The following PTPRB variants were observed in gnomAD, a reference collection of about 807,000 sequenced individuals.
PTPRB encodes protein tyrosine phosphatase receptor type B.
PTPRB carries 97 observed loss-of-function variants against 238.1 expected under a neutral mutation model. That is an observed-to-expected ratio of 0.41 (90% CI 0.35 to 0.48). The LOEUF is 0.48. Among genes scored for constraint, PTPRB ranks in the 20% least tolerant of loss-of-function variants. The pLI is 0.30. For missense variants in PTPRB, 2,292 were observed against 2,681.9 expected, an observed-to-expected ratio of 0.85 and a Z score of 3.21; for synonymous variants, 970 against 995.4, an observed-to-expected ratio of 0.97 and a Z score of 0.48.
chr12:70,626,384 T>TGCCTGCCC lies in PTPRB; in HGVS notation c.452-3739_452-3738insGGGCAGGC, dbSNP rs1366711973. ...CTATCTATATTCCTGCCTGCCTGCC[T>TGCCTGCCC]GCCTGCCTGCCTGCCTGCCTACCTA... On this transcript the variant is annotated intron_variant, in intron 2 of 33. Coordinates refer to ENST00000334414, the MANE Select transcript of PTPRB (RefSeq NM_001109754.4). Among the ~76,000 whole-genome samples the TGCCTGCCC allele has an allele frequency of 1.4e-5, 2 of 147,336 alleles. 1 individual carries two copies. Among genetic ancestry groups the TGCCTGCCC allele is most frequent in the African/African-American group, 5.3e-5 (2 of 38,076 alleles).
At chr12:70,556,772 G>A (rs898437226) in intron 18 of PTPRB, among the ~76,000 whole-genome samples, 6 of 152,112 alleles carry the variant, frequency 3.9e-5, no homozygotes, top group African/African-American at 1.4e-4. Flanking sequence ...AGCCAGAGGG[G>A]GAAAAACAAC....
chr12:70,609,375 A>G (rs778623951), intron 3 of PTPRB, 36 bp from the exon 4 acceptor site: 4 of 1,600,832 alleles, frequency 2.5e-6, no homozygotes, highest in Non-Finnish European at 2.6e-6. Flanking sequence ...TTAAGTCCAC[A>G]GTCTGGACTG....
At chr12:70,579,357 G>A (rs566715589) in intron 10 of PTPRB, among the ~76,000 whole-genome samples, 7 of 152,108 alleles carry the variant, frequency 4.6e-5, no homozygotes, top group Non-Finnish European at 1.0e-4. Flanking sequence ...ACCAATGGAT[G>A]GTGCCAAGAA....
At chr12:70,570,914 TC>T in intron 13 of PTPRB, 111 bp downstream of exon 13, 1 of 1,174,482 alleles carries the variant, frequency 8.5e-7, no homozygotes, top group South Asian at 1.5e-5. Flanking sequence ...CTTTGTCCCT[TC>T]TTGCTGTCTC....
chr12:70,617,245 C>T (rs768266850), intron 3 of PTPRB, among the ~76,000 whole-genome samples: 1 of 152,182 alleles, frequency 6.6e-6, no homozygotes, highest in Non-Finnish European at 1.5e-5. Context: ...CATCTTTATG[C>T]TATTGGCACA....
chr12:70,532,413 C>T (rs895253635), intron 31 of PTPRB, among the ~76,000 whole-genome samples: 1 of 150,252 alleles, frequency 6.7e-6, no homozygotes, highest in Non-Finnish European at 1.5e-5. Flanking sequence ...CTGCTCTGCA[C>T]TTACTGTGTA....
rs751894578 is a variant in PTPRB, at chr12:70,552,772, C to CT, written c.5387+4dup. The CT allele has an allele frequency of 6.2e-7, 1 of 1,613,780 alleles. No individual in the cohort carries two copies. Among genetic ancestry groups the CT allele is most frequent in the South Asian group, 1.1e-5 (1 of 91,038 alleles). On this transcript the variant is annotated splice_donor_region_variant and intron_variant, in intron 21 of 33. Coordinates refer to ENST00000334414, the MANE Select transcript of PTPRB (RefSeq NM_001109754.4). Reference sequence around the variant, plus strand: ...TTCTAGCAAAACAGTGGTAATATATCTAACCTGTAGGCAGTGTGTGGCTTC... The same window carrying CT: ...TTCTAGCAAAACAGTGGTAATATATCTTAACCTGTAGGCAGTGTGTGGCTTC...
In PTPRB at chr12:70,560,664, T is replaced by A. The variant is rs776170215; in HGVS notation, c.4432+7A>T. ...ATCCCTTGGCCATTGGCACCTGGGC[T>A]TCTCACCTGTTCTGCTCTCCGCTGT... On this transcript the variant is annotated splice_region_variant and intron_variant, in intron 17 of 33. Transcript: ENST00000334414. This position sits in a 1 kb window ranked among gnomAD's most constrained non-coding sequence, Gnocchi z 4.2. The A allele has an allele frequency of 1.2e-6, 2 of 1,612,774 alleles. No homozygotes were observed. Among genetic ancestry groups the A allele is most frequent in the Non-Finnish European group, 1.7e-6 (2 of 1,179,064 alleles).
At chr12:70,550,133 A>C (rs1479038199) in intron 21 of PTPRB, among the ~76,000 whole-genome samples, 1 of 152,222 alleles carries the variant, frequency 6.6e-6, no homozygotes, top group Non-Finnish European at 1.5e-5. Context: ...GGACGTGGAC[A>C]TGGGGCTGAT....
chr12:70,604,575 T>C (rs757891540), intron 4 of PTPRB, among the ~76,000 whole-genome samples: 7 of 152,210 alleles, frequency 4.6e-5, no homozygotes, highest in Non-Finnish European at 8.8e-5. Flanking sequence ...GCAGGTAACC[T>C]ACAGATATTA....
At chr12:70,584,731 T>C (rs1592534874) in intron 9 of PTPRB, among the ~76,000 whole-genome samples, 3 of 152,058 alleles carry the variant, frequency 2.0e-5, no homozygotes, top group Non-Finnish European at 4.4e-5. Context: ...AGTTTGTCCC[T>C]AGAAACTCTC....
chr12:70,634,912 G>A (rs904791020), intron 2 of PTPRB, among the ~76,000 whole-genome samples: 1 of 152,086 alleles, frequency 6.6e-6, no homozygotes, highest in Non-Finnish European at 1.5e-5. Flanking sequence ...ACCTCTAATA[G>A]AAGAGTAAAT....
chr12:70,533,491 G>A (rs1817895405), intron 31 of PTPRB, among the ~76,000 whole-genome samples: 1 of 152,144 alleles, frequency 6.6e-6, no homozygotes, highest in African/African-American at 2.4e-5. Context: ...GAGAGAGAGA[G>A]ATTTCACTTG....
chr12:70,627,143 G>A (rs1458152686), intron 2 of PTPRB, among the ~76,000 whole-genome samples: 1 of 152,162 alleles, frequency 6.6e-6, no homozygotes, highest in South Asian at 2.1e-4. Context: ...AGATGTGCCT[G>A]TTTTACCTAA....
chr12:70,522,326 A>G (rs529665035), intron 33 of PTPRB, among the ~76,000 whole-genome samples: 4 of 152,330 alleles, frequency 2.6e-5, no homozygotes, highest in African/African-American at 7.2e-5. Context: ...TGAACAAGCC[A>G]TTATGAAGCG....
In PTPRB at chr12:70,539,056, T is replaced by C. The variant is rs545921434; in HGVS notation, c.5779-42A>G. 23 of 1,444,428 alleles carry C rather than the reference T, an allele frequency of 1.6e-5. No individual in the cohort carries two copies. The African/African-American group carries it at 1.8e-4, about 11-fold the overall frequency. The allele number at this position is 1,444,428 out of a possible 1,614,324, so 89.5% of individuals were successfully genotyped here. A position where few individuals can be genotyped will look rare whatever the true frequency, so the allele number is the denominator to read the frequency against. On this transcript the variant is annotated intron_variant, in intron 26 of 33. Transcript: ENST00000334414. ...GAGTTTGTAAGTGGAGAATATGAAA[T>C]AGAATAAAGCAAATCATACAGTCCT...
Position 70,590,211 on chromosome 12 carries a change from CA to C in PTPRB, c.1802del (p.Leu601ArgfsTer9), listed in dbSNP as rs781234222. On this transcript the variant is annotated frameshift_variant, in exon 8 of 34. Coordinates refer to ENST00000334414, the MANE Select transcript of PTPRB (RefSeq NM_001109754.4). LOFTEE classifies it high-confidence loss of function. Reference sequence around the variant, plus strand: ...TCATCCTGCCATTATTGTTTGCCTCCAGGTTTGCAACTTTGTCTGGAACTAA... The same window carrying C: ...TCATCCTGCCATTATTGTTTGCCTCCGGTTTGCAACTTTGTCTGGAACTAA... ...GRTFPDKVAN[L>X]EANNNGRMRS... 1 of 1,571,698 alleles carries C rather than the reference CA, an allele frequency of 6.4e-7. No homozygotes were observed. Among genetic ancestry groups the C allele is most frequent in the Non-Finnish European group, 8.6e-7 (1 of 1,157,452 alleles).
intron 18 of PTPRB, among the ~76,000 whole-genome samples, chr12:70,557,160 G>A (rs780534070): frequency 2.6e-5 from 4 of 152,170 alleles, no homozygotes; most frequent in Non-Finnish European, 4.4e-5. Flanking sequence ...ATTCTACGTA[G>A]AGAAAAACCA....
chr12:70,552,653 G>A, intron 21 of PTPRB, 124 bp downstream of exon 21: 1 of 1,260,722 alleles, frequency 7.9e-7, no homozygotes, highest in Non-Finnish European at 1.1e-6. Context: ...CCAGTAAAAT[G>A]CACAGTACTC....
Sources: allele counts gnomAD v4.1 joint callset (sites outside exome capture counted in the v4.1 genomes callset), GRCh38; gene constraint gnomAD v4.1.1; non-coding constraint Gnocchi (gnomAD v3.1); transcripts MANE v1.5; gene names NCBI Gene and HGNC (gene_info 2026-07-23, HGNC 2026-07-21).